ZNF626: variants seen among roughly 807,000 people sequenced by gnomAD.
ZNF626 encodes the protein zinc finger protein 626, also known as CTC-513N18.7.
Under a neutral mutation model 11.7 loss-of-function variants are expected in ZNF626, and 4 were observed. The observed-to-expected ratio is 0.34, with a 90% CI of 0.17 to 0.78. The LOEUF is 0.78. Among genes scored for constraint, ZNF626 ranks in the 30% least tolerant of loss-of-function variants. ZNF626 has a pLI of 0.57. For synonymous variants in ZNF626, 179 were observed against 198.6 expected (o/e 0.90, Z 0.83); for missense variants, 588 against 587.1 (o/e 1.00, Z -0.01).
intron 1 of ZNF626, among the ~76,000 whole-genome samples, chr19:20,658,792 A>T (rs1555773408): frequency 2.6e-5 from 4 of 152,108 alleles, no homozygotes; most frequent in Admixed American, 2.0e-4. Flanking sequence ...GCTGGGTCCC[A>T]CAACATTGTC....
intron 1 of ZNF626, among the ~76,000 whole-genome samples, chr19:20,660,243 TAAAAAAAAAAA>T (rs35231346): frequency 4.8e-5 from 5 of 104,874 alleles, no homozygotes; most frequent in Non-Finnish European, 9.3e-5. Flanking sequence ...ACACTGTGTC[TAAAAAAAAAAA>T]AAAAAAAAAA....
At position 20,624,297 on chromosome 19, in the gene ZNF626, A is replaced by C. The variant is rs1331631380; in HGVS notation, c.1580T>G (p.Ile527Arg). The C allele has an allele frequency of 1.2e-6, 2 of 1,613,880 alleles. No individual in the cohort carries two copies. The highest frequency in any genetic ancestry group is 1.7e-6 in the Non-Finnish European group (2 of 1,179,966). ...PSSGPHTLLHIR is the reference protein window; with the variant it reads ...PSSGPHTLLHRR ...ATTTCTCTCCAGTATGAATTATCTTATGTGTAGTAAGGTGTGAGGACCGCT... is the reference window on the plus strand; with the variant it reads ...ATTTCTCTCCAGTATGAATTATCTTCTGTGTAGTAAGGTGTGAGGACCGCT... The change falls in exon 4 of 4, where the codon ATA becomes AGA. Residue 527 changes from isoleucine to arginine, a missense_variant. Ile to Arg is a moderately conservative substitution (Grantham distance 97). Coordinates refer to ENST00000601440, the MANE Select transcript of ZNF626 (RefSeq NM_001076675.3).
At chr19:20,648,440 A>C (rs890160034) in intron 1 of ZNF626, among the ~76,000 whole-genome samples, 1 of 150,124 alleles carries the variant, frequency 6.7e-6, no homozygotes, top group Non-Finnish European at 1.5e-5. Flanking sequence ...GCAGTGGCGC[A>C]ATCTCGGCTC....
At chr19:20,639,987 T>C (rs887419298) in intron 3 of ZNF626, among the ~76,000 whole-genome samples, 2 of 151,902 alleles carry the variant, frequency 1.3e-5, no homozygotes, top group African/African-American at 4.8e-5. Context: ...GATAAACTGA[T>C]GAAAGAACAG....
At chr19:20,638,546 C>T (rs1969990415) in intron 3 of ZNF626, among the ~76,000 whole-genome samples, 1 of 151,818 alleles carries the variant, frequency 6.6e-6, no homozygotes, top group South Asian at 2.1e-4. Context: ...TTTTAGCATT[C>T]AGTCAAATAG....
intron 3 of ZNF626, among the ~76,000 whole-genome samples, chr19:20,634,369 T>C (rs144899873): frequency 3.6e-4 from 55 of 152,344 alleles, no homozygotes; most frequent in South Asian, 8.3e-4. Flanking sequence ...TCTCATTACC[T>C]CATACAACTT....
intron 3 of ZNF626, among the ~76,000 whole-genome samples, chr19:20,641,733 T>C (rs1970026545): frequency 6.6e-6 from 1 of 152,022 alleles, no homozygotes; most frequent in Non-Finnish European, 1.5e-5. Context: ...TAATTTTTTT[T>C]TTTATAGAAA....
At chr19:20,631,956 C>T (rs1174808653) in intron 3 of ZNF626, among the ~76,000 whole-genome samples, 1 of 151,832 alleles carries the variant, frequency 6.6e-6, no homozygotes, top group Non-Finnish European at 1.5e-5. Context: ...TTAGTGCTTC[C>T]TTCAGGAGCT....
At chr19:20,637,060 CCA>C (rs1969974460) in intron 3 of ZNF626, among the ~76,000 whole-genome samples, 1 of 148,896 alleles carries the variant, frequency 6.7e-6, no homozygotes, top group African/African-American at 2.5e-5. Flanking sequence ...ATGGTGCCCA[CCA>C]CACTCCATCC....
chr19:20,625,477 T>C lies in ZNF626; in HGVS notation c.400A>G (p.Asn134Asp), dbSNP rs1969817344. 10 of 1,614,110 alleles carry C rather than the reference T, an allele frequency of 6.2e-6. No homozygotes were observed. Among genetic ancestry groups the C allele is most frequent in the African/African-American group, 5.3e-5 (4 of 75,070 alleles). The change falls in exon 4 of 4, where the codon AAC becomes GAC. Residue 134 changes from asparagine to aspartate, a missense_variant. Coordinates refer to ENST00000601440, the MANE Select transcript of ZNF626 (RefSeq NM_001076675.3). ...CTTGGGGTAGTTGTCAAACATTGGT[T>C]AAGTTCATTATAACCTTCTTTGTGC... is the stretch of plus-strand genomic sequence containing the variant. Reference protein sequence around the residue: ...KVHKEGYNELNQCLTTTPRKI... With the variant: ...KVHKEGYNELDQCLTTTPRKI...
intron 3 of ZNF626, among the ~76,000 whole-genome samples, chr19:20,633,783 G>A (rs78311506): frequency 4.6e-5 from 7 of 152,124 alleles, no homozygotes; most frequent in African/African-American, 1.2e-4. Flanking sequence ...TGCACAGTGC[G>A]CTGCACCCAC....
intron 1 of ZNF626, among the ~76,000 whole-genome samples, chr19:20,652,634 A>C (rs1970159484): frequency 6.6e-6 from 1 of 152,198 alleles, no homozygotes; most frequent in Admixed American, 6.5e-5. Context: ...TCAAAAGATG[A>C]ATACAGAATT....
intron 1 of ZNF626, among the ~76,000 whole-genome samples, chr19:20,659,514 T>C (rs1970241211): frequency 6.6e-6 from 1 of 152,176 alleles, no homozygotes; most frequent in Admixed American, 6.5e-5. Context: ...CTGCTGGGAT[T>C]ACATGCCTGA....
intron 3 of ZNF626, among the ~76,000 whole-genome samples, chr19:20,636,055 C>T (rs2144774877): frequency 6.6e-6 from 1 of 152,252 alleles, no homozygotes; most frequent in South Asian, 2.1e-4. Context: ...TGGCATGAAC[C>T]TAGAAGTTGG....
intron 1 of ZNF626, among the ~76,000 whole-genome samples, chr19:20,650,662 G>C (rs968794454): frequency 1.3e-5 from 2 of 152,174 alleles, no homozygotes; most frequent in South Asian, 2.1e-4. Flanking sequence ...GGGTCAGGAA[G>C]TGGACCCTAT....
chr19:20,642,967 C>T (rs1056146320), intron 3 of ZNF626, among the ~76,000 whole-genome samples: 10 of 149,840 alleles, frequency 6.7e-5, no homozygotes, highest in Admixed American at 1.3e-4. Context: ...GCCAAGATCG[C>T]ACCACTGCAC....
chr19:20,628,566 G>T (rs973639468), intron 3 of ZNF626, among the ~76,000 whole-genome samples: 2 of 152,104 alleles, frequency 1.3e-5, no homozygotes, highest in Admixed American at 1.3e-4. Flanking sequence ...TTTTTTGGCT[G>T]CATAAATGTC....
At chr19:20,646,839 GATTT>G (rs567986347) in intron 1 of ZNF626, among the ~76,000 whole-genome samples, 4 of 151,724 alleles carry the variant, frequency 2.6e-5, no homozygotes, top group Admixed American at 2.0e-4. Context: ...AATAAAGTCT[GATTT>G]ATTTATTTAT....
intron 3 of ZNF626, among the ~76,000 whole-genome samples, chr19:20,628,034 G>C (rs1382725144): frequency 6.6e-6 from 1 of 152,064 alleles, no homozygotes; most frequent in African/African-American, 2.4e-5. Flanking sequence ...GCGGTGTTTG[G>C]TTTTTTGTCC....
Sources: gnomAD v4.1 joint callset for allele counts (sites outside exome capture counted in the v4.1 genomes callset) on GRCh38, gnomAD v4.1.1 for gene constraint, MANE v1.5 for transcripts, NCBI Gene and HGNC (gene_info 2026-07-23, HGNC 2026-07-21) for gene names.